Variants in CERS6 observed in about 807,000 individuals in gnomAD.
CERS6 encodes the protein ceramide synthase 6.
In CERS6, 26 loss-of-function variants were observed where a neutral mutation model predicts 56.8. The ratio of observed to expected loss-of-function variants is 0.46; its 90% CI spans 0.34 to 0.63. The LOEUF (loss-of-function observed/expected upper bound fraction) is 0.63. Among genes scored for constraint, CERS6 ranks in the 30% least tolerant of loss-of-function variants. The probability of loss-of-function intolerance (pLI) is 0.01; values close to 1 mark genes in which losing one functional copy is unlikely to be tolerated. For synonymous variants in CERS6, 164 were observed against 173.3 expected (o/e 0.95, Z 0.42); for missense variants, 415 against 467.5 (o/e 0.89, Z 1.04).
At chr2:168,464,915 A>G (rs1227677622) in intron 1 of CERS6, among the ~76,000 whole-genome samples, 1 of 152,238 alleles carries the variant, frequency 6.6e-6, no homozygotes, top group African/African-American at 2.4e-5. Flanking sequence ...GGGTGAGGAC[A>G]AATTGGATCT....
At chr2:168,747,200 C>T (rs561383772) in intron 8 of CERS6, among the ~76,000 whole-genome samples, 2 of 152,058 alleles carry the variant, frequency 1.3e-5, no homozygotes, top group African/African-American at 4.8e-5. Context: ...GTTGGAAGAT[C>T]GCTTGAGCCC....
intron 3 of CERS6, among the ~76,000 whole-genome samples, chr2:168,577,038 G>A (rs911128216): frequency 6.6e-6 from 1 of 152,206 alleles, no homozygotes; most frequent in Non-Finnish European, 1.5e-5. Flanking sequence ...GAGGAGTGCT[G>A]TAGGCAGCTG....
intron 6 of CERS6, among the ~76,000 whole-genome samples, chr2:168,710,590 CTA>C (rs1687065605): frequency 6.6e-6 from 1 of 152,158 alleles, no homozygotes; most frequent in Non-Finnish European, 1.5e-5. Context: ...TGGTAGAACA[CTA>C]TACTCCACAT....
intron 1 of CERS6, among the ~76,000 whole-genome samples, chr2:168,457,065 G>A (rs1304351811): frequency 6.6e-6 from 1 of 152,238 alleles, no homozygotes; most frequent in Non-Finnish European, 1.5e-5. Context: ...GCGCGGCCCG[G>A]AGGGAGGAGG....
At chr2:168,646,491 T>G (rs1574126341) in intron 4 of CERS6, among the ~76,000 whole-genome samples, 1 of 152,130 alleles carries the variant, frequency 6.6e-6, no homozygotes, top group Non-Finnish European at 1.5e-5. Context: ...TATAGGTTGT[T>G]TGTTTACTCT....
At chr2:168,646,296 A>G (rs993680615) in intron 4 of CERS6, among the ~76,000 whole-genome samples, 2 of 152,036 alleles carry the variant, frequency 1.3e-5, no homozygotes, top group Non-Finnish European at 2.9e-5. Flanking sequence ...CATCAGCAAT[A>G]TTGAGCTTTT....
intron 1 of CERS6, among the ~76,000 whole-genome samples, chr2:168,530,010 G>A (rs1405063470): frequency 6.6e-6 from 1 of 152,112 alleles, no homozygotes; most frequent in Non-Finnish European, 1.5e-5. Context: ...TCGCAGCTAT[G>A]TGTTTCTTGG....
intron 3 of CERS6, among the ~76,000 whole-genome samples, chr2:168,628,553 A>G (rs1452181424): frequency 6.6e-6 from 1 of 152,202 alleles, no homozygotes; most frequent in Admixed American, 6.5e-5. Context: ...AAACTGCCAG[A>G]TTTCACAGTA....
At chr2:168,599,026 G>A (rs575664954) in intron 3 of CERS6, among the ~76,000 whole-genome samples, 3 of 152,294 alleles carry the variant, frequency 2.0e-5, no homozygotes, top group South Asian at 4.2e-4. Context: ...AGGAACTTTC[G>A]TGAGCATTGT....
intron 1 of CERS6, among the ~76,000 whole-genome samples, chr2:168,524,504 T>C (rs1241344670): frequency 1.3e-5 from 2 of 152,150 alleles, no homozygotes; most frequent in African/African-American, 2.4e-5. Flanking sequence ...GAGACTCAGA[T>C]AGAGACGGAA....
chr2:168,527,055 C>T (rs973992386), intron 1 of CERS6, among the ~76,000 whole-genome samples: 2 of 152,184 alleles, frequency 1.3e-5, no homozygotes, highest in Non-Finnish European at 2.9e-5. Context: ...CCATGTTTCT[C>T]CTTTGCCGGC....
At chr2:168,512,685 A>G (rs1185080559) in intron 1 of CERS6, among the ~76,000 whole-genome samples, 1 of 113,538 alleles carries the variant, frequency 8.8e-6, no homozygotes, top group African/African-American at 3.6e-5. Context: ...TTTTTTTTTT[A>G]AAGACAGAGT....
intron 1 of CERS6, among the ~76,000 whole-genome samples, chr2:168,476,717 G>A (rs758714848): frequency 7.2e-5 from 11 of 152,000 alleles, no homozygotes; most frequent in African/African-American, 1.4e-4. Context: ...GTCCAGAGGC[G>A]GGAGGAGAAG....
intron 3 of CERS6, among the ~76,000 whole-genome samples, chr2:168,605,540 T>C (rs951057165): frequency 3.9e-5 from 6 of 152,332 alleles, no homozygotes; most frequent in Middle Eastern, 3.4e-3. Flanking sequence ...AGCCTAGTGC[T>C]AACAGCCAAG....
In CERS6 at chr2:168,493,491, G is replaced by A. The variant is rs576511855; in HGVS notation, c.170+36873G>A. 1.4e-3 allele frequency among the ~76,000 whole-genome samples: 206 copies of A among 152,052 alleles called. 1 individual carries two copies. The South Asian group carries it at 0.016, about 12-fold the overall frequency. On this transcript the variant is annotated intron_variant, in intron 1 of 9. Coordinates refer to ENST00000305747, the MANE Select transcript of CERS6 (RefSeq NM_203463.3). ...CAGAGTTCAGGCTCTTAACCACTGC[G>A]CTCTATAAAAGGCACAGAGCTAAGC...
chr2:168,541,882 G>A (rs1392772547), intron 1 of CERS6, among the ~76,000 whole-genome samples: 2 of 152,200 alleles, frequency 1.3e-5, no homozygotes, highest in African/African-American at 4.8e-5. Flanking sequence ...TAGTTCTCTA[G>A]TCATTCTCTG....
intron 8 of CERS6, among the ~76,000 whole-genome samples, chr2:168,739,201 A>C (rs1683818447): frequency 6.6e-6 from 1 of 151,374 alleles, no homozygotes; most frequent in Non-Finnish European, 1.5e-5. Context: ...GACCCACTGC[A>C]CCCAGGCTAC....
At chr2:168,497,388 T>C (rs1026504376) in intron 1 of CERS6, among the ~76,000 whole-genome samples, 3 of 148,838 alleles carry the variant, frequency 2.0e-5, no homozygotes, top group Non-Finnish European at 4.5e-5. Context: ...AATAAATAAA[T>C]AGGGAAGGAA....
chr2:168,554,672 C>G (rs1695642994), intron 2 of CERS6, among the ~76,000 whole-genome samples: 1 of 152,054 alleles, frequency 6.6e-6, no homozygotes. Context: ...TTCTGTTGTT[C>G]AGGGAACTTT....
Sources: gnomAD v4.1 joint callset for allele counts (sites outside exome capture counted in the v4.1 genomes callset) on GRCh38, gnomAD v4.1.1 for gene constraint, MANE v1.5 for transcripts, NCBI Gene and HGNC (gene_info 2026-07-23, HGNC 2026-07-21) for gene names.